Variants in MTMR1 observed in about 807,000 individuals in gnomAD.
MTMR1 encodes the protein phosphatidylinositol-3-phosphate phosphatase MTMR1.
In MTMR1, 17 loss-of-function variants were observed where a neutral mutation model predicts 51.6. The ratio of observed to expected loss-of-function variants is 0.33; its 90% CI spans 0.23 to 0.49. MTMR1 has a LOEUF of 0.49. Ranked by LOEUF, MTMR1 falls within the 20% of genes least tolerant of loss-of-function variation. The probability of loss-of-function intolerance (pLI) is 0.99; values close to 1 mark genes in which losing one functional copy is unlikely to be tolerated. For synonymous variants in MTMR1, 201 were observed against 205.6 expected (o/e 0.98, Z 0.19); for missense variants, 386 against 526.9 (o/e 0.73, Z 2.62).
chrX:150,711,652 G>A (rs1480315212), intron 2 of MTMR1, among the ~76,000 whole-genome samples: 4 of 112,155 alleles, frequency 3.6e-5, no homozygotes, highest in Non-Finnish European at 3.8e-5. Flanking sequence ...AATAAAGCTG[G>A]GCTTTCCCTC....
At chrX:150,749,423 G>T (rs782530056) in intron 13 of MTMR1, among the ~76,000 whole-genome samples, 1 of 112,559 alleles carries the variant, frequency 8.9e-6, no homozygotes, top group African/African-American at 3.2e-5. Context: ...AGCATGCTGG[G>T]TAGTACTATT....
At chrX:150,736,503 G>T in intron 10 of MTMR1, 92 bp from the exon 11 acceptor site, 1 of 861,233 alleles carries the variant, frequency 1.2e-6, no homozygotes. Context: ...AGATGAGTTT[G>T]TTGCTTCTTT....
chrX:150,762,026 C>T (rs1382814940), intron 15 of MTMR1, among the ~76,000 whole-genome samples: 4 of 112,739 alleles, frequency 3.5e-5, no homozygotes, highest in Non-Finnish European at 7.5e-5. Flanking sequence ...GCCGGCACTG[C>T]CCGCTCCGGG....
chrX:150,719,437 T>G (rs1557416521), intron 4 of MTMR1, among the ~76,000 whole-genome samples: 1 of 112,175 alleles, frequency 8.9e-6, no homozygotes. Context: ...TTATTGCTGC[T>G]GAATATCCTA....
Position 150,760,790 on chromosome X carries a change from G to A in MTMR1, c.1858-1775G>A, listed in dbSNP as rs782686747. On this transcript the variant is annotated intron_variant, in intron 15 of 15. Coordinates refer to ENST00000445323, the MANE Select transcript of MTMR1 (RefSeq NM_001306144.3). ...AATACAAAAATTAGCCAGACACAGTGGTGGCGGGCGCCTGTAATCCCAGCT... is the reference window on the plus strand; with the variant it reads ...AATACAAAAATTAGCCAGACACAGTAGTGGCGGGCGCCTGTAATCCCAGCT... Among the ~76,000 whole-genome samples the A allele has an allele frequency of 7.2e-5, 8 of 110,608 alleles. No homozygotes were observed. The East Asian group carries it at 2.3e-3, about 32-fold the overall frequency.
Position 150,762,788 on chromosome X carries a change from G to A in MTMR1, c.*59G>A, listed in dbSNP as rs898259522. 25 of 1,094,603 alleles carry A rather than the reference G, an allele frequency of 2.3e-5. No homozygotes were observed. The highest frequency in any genetic ancestry group is 4.4e-5 in the South Asian group (2 of 45,253). 90.2% of individuals were successfully genotyped at this position (1,094,603 alleles called of 1,213,427 possible). On this transcript the variant is annotated 3_prime_UTR_variant, in exon 16 of 16. Coordinates refer to ENST00000445323, the MANE Select transcript of MTMR1 (RefSeq NM_001306144.3). ...CGGTGGCTCAGGAAAGGGACCTGGC[G>A]ATCACTGTTATGGCTGTAGCTTGTG...
intron 1 of MTMR1, among the ~76,000 whole-genome samples, chrX:150,697,382 C>T (rs989096529): frequency 8.9e-6 from 1 of 111,766 alleles, no homozygotes; most frequent in Non-Finnish European, 1.9e-5. Context: ...TTCCATATTG[C>T]CTGGGGATTC....
chrX:150,750,931 G>A lies in MTMR1; in HGVS notation c.1680+88G>A, dbSNP rs781990326. 83 of 1,016,197 alleles carry A rather than the reference G, an allele frequency of 8.2e-5. No individual in the cohort carries two copies. The East Asian group carries it at 1.0e-3, about 13-fold the overall frequency. The allele number at this position is 1,016,197 out of a possible 1,213,427, so 83.7% of individuals were successfully genotyped here. On this transcript the variant is annotated intron_variant, in intron 14 of 15. Transcript: ENST00000445323. ...GCTACTGTAGGAGGGCTGAGGGGAG[G>A]GAGGACTGCGCTCTGGTGCTATTGC...
At chrX:150,720,947 C>T (rs1213531202) in intron 4 of MTMR1, among the ~76,000 whole-genome samples, 1 of 111,508 alleles carries the variant, frequency 9.0e-6, no homozygotes, top group African/African-American at 3.3e-5. Context: ...ACTATAGGTG[C>T]CCTTTATCAT....
intron 4 of MTMR1, among the ~76,000 whole-genome samples, chrX:150,719,115 T>C (rs1557416510): frequency 5.4e-5 from 6 of 111,988 alleles, no homozygotes; most frequent in African/African-American, 1.9e-4. Flanking sequence ...AGTACAATTT[T>C]GGTGCATGGC....
intron 3 of MTMR1, chrX:150,713,075 C>T: frequency 2.1e-6 from 1 of 475,342 alleles, no homozygotes; most frequent in Non-Finnish European, 2.8e-6. Context: ...AAGTTTTAAT[C>T]TTATTGAAGC....
intron 2 of MTMR1, among the ~76,000 whole-genome samples, chrX:150,706,825 G>A (rs1557416080): frequency 4.5e-5 from 5 of 111,844 alleles, no homozygotes; most frequent in African/African-American, 1.3e-4. Context: ...AAAGTGGGAA[G>A]AATCAGTCTA....
Sources: gnomAD v4.1 joint callset for allele counts (sites outside exome capture counted in the v4.1 genomes callset) on GRCh38, gnomAD v4.1.1 for gene constraint, MANE v1.5 for transcripts, NCBI Gene and HGNC (gene_info 2026-07-23, HGNC 2026-07-21) for gene names.